Variants in KAZN observed in about 807,000 individuals in gnomAD.
KAZN encodes the protein kazrin, periplakin interacting protein.
Under a neutral mutation model 87.4 loss-of-function variants are expected in KAZN, and 40 were observed. The ratio of observed to expected loss-of-function variants is 0.46; its 90% confidence interval spans 0.36 to 0.60. The LOEUF (loss-of-function observed/expected upper bound fraction) is 0.60, where lower values mean the gene tolerates loss of function less well. Among genes scored for constraint, KAZN ranks in the 20% least tolerant of loss-of-function variants. KAZN has a pLI of 0.00. For synonymous variants in KAZN, 466 were observed against 458.3 expected, an observed-to-expected ratio of 1.02 and a Z score of -0.22; for missense variants, 898 against 1,073.9, an observed-to-expected ratio of 0.84 and a Z score of 2.29.
At chr1:14,359,284 C>T (rs1306231744) in intron 2 of KAZN, among the ~76,000 whole-genome samples, 2 of 151,058 alleles carry the variant, frequency 1.3e-5, no homozygotes, top group Non-Finnish European at 2.9e-5. Flanking sequence ...TTTCCATTTG[C>T]TTGGTAAATA....
At chr1:14,555,241 C>T (rs1415615044) in intron 2 of KAZN, among the ~76,000 whole-genome samples, 2 of 152,320 alleles carry the variant, frequency 1.3e-5, no homozygotes, top group Admixed American at 6.5e-5. Flanking sequence ...GTTGCTTTAT[C>T]CACACGTGCA....
At chr1:14,413,504 G>GGC (rs1217038826) in intron 2 of KAZN, among the ~76,000 whole-genome samples, 1 of 148,740 alleles carries the variant, frequency 6.7e-6, no homozygotes, top group Non-Finnish European at 1.5e-5. Context: ...GCAGGAGAAT[G>GGC]GCGTGAAACC....
chr1:14,922,344 T>C (rs1276038167), intron 1 of KAZN, among the ~76,000 whole-genome samples: 1 of 152,160 alleles, frequency 6.6e-6, no homozygotes, highest in Non-Finnish European at 1.5e-5. Context: ...TCTCGGGTGC[T>C]CAGAGTGATC....
chr1:14,550,512 A>G (rs574771764), intron 2 of KAZN, among the ~76,000 whole-genome samples: 1 of 152,072 alleles, frequency 6.6e-6, no homozygotes, highest in African/African-American at 2.4e-5. Context: ...GAATGAGTGA[A>G]TCTGTTTCTT....
intron 2 of KAZN, among the ~76,000 whole-genome samples, chr1:14,266,948 A>G (rs1202104140): frequency 1.3e-5 from 2 of 151,880 alleles, no homozygotes; most frequent in Non-Finnish European, 2.9e-5. Context: ...CAGGTTTGCT[A>G]CATATGTATA....
In KAZN at chr1:14,914,393, G is replaced by A. The variant is rs560140339; in HGVS notation, c.227-46291G>A. ...GTCTTTGAACAACTAAACCCCCATC[G>A]GTGTTGGGATGCCTAATTACTATTT... On this transcript the variant is annotated intron_variant, in intron 1 of 14. Transcript: ENST00000376030. Among the ~76,000 whole-genome samples the A allele has an allele frequency of 2.9e-4, 44 of 152,302 alleles. 1 individual carries two copies. In the South Asian group the frequency reaches 8.9e-3, roughly 31 times the overall value.
intron 1 of KAZN, among the ~76,000 whole-genome samples, chr1:14,777,197 C>T (rs1051542366): frequency 2.0e-5 from 3 of 151,932 alleles, no homozygotes; most frequent in African/African-American, 4.8e-5. Flanking sequence ...GGGGTTTCAC[C>T]GTGTTAGCCA....
chr1:14,135,525 C>T (rs1297039164), intron 1 of KAZN, among the ~76,000 whole-genome samples: 1 of 152,156 alleles, frequency 6.6e-6, no homozygotes, highest in Non-Finnish European at 1.5e-5. Context: ...AATCCAGGGA[C>T]CCTTGAGATT....
chr1:14,784,954 C>T (rs888478964), intron 1 of KAZN, among the ~76,000 whole-genome samples: 2 of 150,582 alleles, frequency 1.3e-5, no homozygotes, highest in South Asian at 2.1e-4. Context: ...ATTTTGATCT[C>T]GGCTAGACTG....
At chr1:14,969,916 C>T (rs1390800759) in intron 2 of KAZN, among the ~76,000 whole-genome samples, 1 of 152,064 alleles carries the variant, frequency 6.6e-6, no homozygotes, top group East Asian at 1.9e-4. Context: ...TGGGTTCAAG[C>T]GATTCTCCTG....
chr1:14,721,587 C>G (rs1169475390), intron 1 of KAZN, among the ~76,000 whole-genome samples: 2 of 152,198 alleles, frequency 1.3e-5, no homozygotes, highest in Non-Finnish European at 2.9e-5. Flanking sequence ...GTATTTACCT[C>G]AAGGATGACA....
At chr1:14,112,820 T>C (rs912154405) in intron 1 of KAZN, among the ~76,000 whole-genome samples, 5 of 152,154 alleles carry the variant, frequency 3.3e-5, no homozygotes, top group Admixed American at 2.6e-4. Flanking sequence ...TTTTGTCTCT[T>C]GACCTTTTCC....
intron 8 of KAZN, among the ~76,000 whole-genome samples, chr1:15,089,176 C>T (rs1309872172): frequency 1.3e-5 from 2 of 152,176 alleles, no homozygotes; most frequent in Admixed American, 6.5e-5. Flanking sequence ...ACCTTCCCCT[C>T]TTCTGGGGGA....
At chr1:14,273,501 GC>G (rs1557608408) in intron 2 of KAZN, among the ~76,000 whole-genome samples, 2 of 151,930 alleles carry the variant, frequency 1.3e-5, no homozygotes, top group African/African-American at 4.8e-5. Flanking sequence ...AAAATTACTG[GC>G]AGAGGAATCA....
At chr1:13,906,956 C>T (rs749125343) in intron 1 of KAZN, among the ~76,000 whole-genome samples, 1 of 152,176 alleles carries the variant, frequency 6.6e-6, no homozygotes, top group Non-Finnish European at 1.5e-5. Flanking sequence ...AGTAAGGCTT[C>T]CCGCCTGTGC....
At position 14,949,891 on chromosome 1, in the gene KAZN, A is replaced by G. The variant is rs1218202723; in HGVS notation, c.227-10793A>G. Reference sequence around the variant, plus strand: ...CCCCATGGGAACTCTGGGCAGCAAGATGGTAGAAGAGGATCCGCTTGGCAC... The same window carrying G: ...CCCCATGGGAACTCTGGGCAGCAAGGTGGTAGAAGAGGATCCGCTTGGCAC... On this transcript the variant is annotated intron_variant, in intron 1 of 14. Transcript: ENST00000376030. This position sits in a 1 kb window ranked among gnomAD's most constrained non-coding sequence, Gnocchi z 4.3. Among the ~76,000 whole-genome samples the G allele has an allele frequency of 6.6e-6, 1 of 151,950 alleles. No homozygotes were observed. The highest frequency in any genetic ancestry group is 1.5e-5 in the Non-Finnish European group (1 of 68,002).
At chr1:14,918,746 A>ATATATC (rs1572827713) in intron 1 of KAZN, among the ~76,000 whole-genome samples, 4 of 129,830 alleles carry the variant, frequency 3.1e-5, no homozygotes, top group East Asian at 4.5e-4. Flanking sequence ...ATATATATAT[A>ATATATC]TATCCTGGGA....
rs1363162196 is a variant in KAZN, at chr1:14,924,656, G to A, written c.227-36028G>A. On this transcript the variant is annotated intron_variant, in intron 1 of 14. Transcript: ENST00000376030. ...GGGGCCGGGCGCGCGAGGGCGCTCG[G>A]AGCCGGGATCGGGAAGCCGCTGGTG... The A allele has an allele frequency of 7.5e-6, 6 of 802,052 alleles. No individual in the cohort carries two copies. The African/African-American group carries it at 1.1e-4, about 15-fold the overall frequency. 49.7% of individuals were successfully genotyped at this position (802,052 alleles called of 1,614,324 possible).
At chr1:14,543,752 G>A (rs1237446913) in intron 2 of KAZN, among the ~76,000 whole-genome samples, 4 of 152,122 alleles carry the variant, frequency 2.6e-5, no homozygotes, top group African/African-American at 4.8e-5. Context: ...GGAGACCACC[G>A]TATTATGAGT....
Sources: allele counts gnomAD v4.1 joint callset (sites outside exome capture counted in the v4.1 genomes callset), GRCh38; gene constraint gnomAD v4.1.1; non-coding constraint Gnocchi (gnomAD v3.1); transcripts MANE v1.5; gene names NCBI Gene and HGNC (gene_info 2026-07-23, HGNC 2026-07-21).